Variants in PPARG observed in about 807,000 individuals in gnomAD.
PPARG encodes the protein peroxisome proliferator activated receptor gamma, also known as peroxisome proliferator-activated receptor gamma.
PPARG carries 17 observed loss-of-function variants against 39.2 expected under a neutral mutation model. The ratio of observed to expected loss-of-function variants is 0.43; its 90% CI spans 0.30 to 0.65. PPARG has a LOEUF of 0.65. Among genes scored for constraint, PPARG ranks in the 30% least tolerant of loss-of-function variants. The pLI, the probability that PPARG is intolerant of heterozygous loss-of-function variation, is 0.13. For missense variants in PPARG, 406 were observed against 585.9 expected (o/e 0.69, Z 3.17); for synonymous variants, 223 against 215.7 (o/e 1.03, Z -0.30).
chr3:12,309,495 A>G (rs2047166827), intron 1 of PPARG, among the ~76,000 whole-genome samples: 1 of 152,156 alleles, frequency 6.6e-6, no homozygotes, highest in African/African-American at 2.4e-5. Flanking sequence ...AGTGGGACTG[A>G]TATTTTTCTC....
intron 7 of PPARG, among the ~76,000 whole-genome samples, chr3:12,430,284 G>C (rs1323324123): frequency 6.6e-6 from 1 of 152,224 alleles, no homozygotes; most frequent in African/African-American, 2.4e-5. Flanking sequence ...GGCCAGAACA[G>C]CCTTCTCGCT....
chr3:12,294,491 A>G (rs2046727799), intron 1 of PPARG, among the ~76,000 whole-genome samples: 1 of 152,244 alleles, frequency 6.6e-6, no homozygotes, highest in African/African-American at 2.4e-5. Flanking sequence ...CTTTAAAAGT[A>G]GCTTCCTAAT....
At chr3:12,423,861 G>A (rs1187166999) in intron 7 of PPARG, among the ~76,000 whole-genome samples, 2 of 152,158 alleles carry the variant, frequency 1.3e-5, no homozygotes, top group African/African-American at 4.8e-5. Flanking sequence ...TTTCTCTTGA[G>A]CAGGACAACA....
intron 2 of PPARG, among the ~76,000 whole-genome samples, chr3:12,356,893 CTT>C (rs1329465247): frequency 1.3e-5 from 2 of 152,188 alleles, no homozygotes; most frequent in East Asian, 3.9e-4. Context: ...ATTCTTCCAT[CTT>C]TTCAAATCGT....
chr3:12,328,317 T>A, intron 2 of PPARG: 1 of 975,240 alleles, frequency 1.0e-6, no homozygotes, highest in Non-Finnish European at 1.6e-6. Context: ...CCCCTCTCAT[T>A]CCTGGTGGGG....
chr3:12,288,522 T>C (rs926817756), upstream of PPARG, among the ~76,000 whole-genome samples: 5 of 151,448 alleles, frequency 3.3e-5, no homozygotes, highest in African/African-American at 1.2e-4. Flanking sequence ...CGGGGGAACT[T>C]TGGAGCAGGG....
intron 4 of PPARG, among the ~76,000 whole-genome samples, chr3:12,390,050 T>A (rs975873238): frequency 9.9e-5 from 15 of 152,208 alleles, no homozygotes; most frequent in South Asian, 2.1e-4. Context: ...GCATATTTTT[T>A]AAAAAAGTCT....
At position 12,359,674 on chromosome 3, in the gene PPARG, C is replaced by CTTTTTTTTTT. The variant is rs71628752; in HGVS notation, c.-8-20021_-8-20012dup. Among the ~76,000 whole-genome samples the CTTTTTTTTTT allele has an allele frequency of 2.6e-4, 34 of 129,822 alleles. 1 individual carries two copies. The highest frequency in any genetic ancestry group is 7.2e-4 in the African/African-American group (25 of 34,636). 85.2% of individuals were successfully genotyped at this position (129,822 alleles called of 152,430 possible). A position where few individuals can be genotyped will look rare whatever the true frequency, so the allele number is the denominator to read the frequency against. ...ACTTTTCCTACTTACTCTTTTATTT[C>CTTTTTTTTTT]TTTTTTTTTTTTTTTTTTGAGACAG... is the stretch of plus-strand genomic sequence containing the variant. On this transcript the variant is annotated intron_variant, in intron 2 of 7. Coordinates refer to ENST00000651735, the MANE Select transcript of PPARG (RefSeq NM_138711.6).
chr3:12,307,817 C>T (rs2047114006), intron 1 of PPARG, among the ~76,000 whole-genome samples: 1 of 152,154 alleles, frequency 6.6e-6, no homozygotes, highest in Non-Finnish European at 1.5e-5. Flanking sequence ...AAAGGAATTT[C>T]TTTTAATTTT....
rs767903938 is a variant in PPARG at position 12,405,592 on chromosome 3, G to A, written c.530-290G>A. ...AGGAGTTGGTTCTCAATTATTTCAC[G>A]TTTAAGTCGACATACTTCCCTCCCT... On this transcript the variant is annotated intron_variant, in intron 5 of 7. Coordinates refer to ENST00000651735, the MANE Select transcript of PPARG (RefSeq NM_138711.6). 1.1e-4 allele frequency among the ~76,000 whole-genome samples: 16 copies of A among 152,282 alleles called. 1 individual carries two copies. The highest frequency in any genetic ancestry group is 8.3e-4 in the South Asian group (4 of 4,816).
chr3:12,408,083 C>T (rs1389972407), intron 6 of PPARG, among the ~76,000 whole-genome samples: 5 of 152,154 alleles, frequency 3.3e-5, no homozygotes, highest in Admixed American at 6.5e-5. Flanking sequence ...TCAGAGCATT[C>T]GTAGCATGCT....
At chr3:12,433,790 C>T (rs2051752812) in intron 7 of PPARG, 108 bp from the exon 8 acceptor site, 5 of 1,535,232 alleles carry the variant, frequency 3.3e-6, no homozygotes, top group Admixed American at 1.7e-5. Context: ...CAAAACAAAC[C>T]AAAAATACAG....
chr3:12,315,478 A>C (rs2047365078), intron 2 of PPARG, among the ~76,000 whole-genome samples: 2 of 152,324 alleles, frequency 1.3e-5, no homozygotes, highest in Admixed American at 1.3e-4. Context: ...CTATCTTTGC[A>C]ACCTTTCTGT....
intron 2 of PPARG, among the ~76,000 whole-genome samples, chr3:12,363,810 A>C (rs1248075421): frequency 1.3e-5 from 2 of 152,170 alleles, no homozygotes; most frequent in Admixed American, 6.5e-5. Flanking sequence ...CAAAACGTGG[A>C]AGGGGACCTA....
chr3:12,300,376 C>T (rs1456305316), intron 1 of PPARG, among the ~76,000 whole-genome samples: 2 of 152,228 alleles, frequency 1.3e-5, no homozygotes, highest in African/African-American at 2.4e-5. Flanking sequence ...GAACACAGCG[C>T]ATTGCCATGG....
At chr3:12,380,297 C>G (rs1381584755) in intron 3 of PPARG, among the ~76,000 whole-genome samples, 1 of 152,126 alleles carries the variant, frequency 6.6e-6, no homozygotes, top group Non-Finnish European at 1.5e-5. Flanking sequence ...GTAACAATTC[C>G]AAGTCACTTT....
intron 2 of PPARG, among the ~76,000 whole-genome samples, chr3:12,319,614 G>C (rs1380348723): frequency 6.6e-6 from 1 of 151,294 alleles, no homozygotes; most frequent in Non-Finnish European, 1.5e-5. Context: ...GAAGTATTGT[G>C]ATAATTACAT....
rs111584744 is a variant in PPARG, at chr3:12,348,086, C to G, written c.-8-31618C>G. ...TCATATTCATTCTAGAGAATAAATT[C>G]CAAATTTATAGCAAAAAAAGAGTGA... On this transcript the variant is annotated intron_variant, in intron 2 of 7. Transcript: ENST00000651735. 3.6e-3 allele frequency among the ~76,000 whole-genome samples: 553 copies of G among 152,086 alleles called. 6 individuals are homozygous for G. The highest frequency in any genetic ancestry group is 3.4e-3 in the Non-Finnish European group (228 of 67,980).
intron 5 of PPARG, among the ~76,000 whole-genome samples, chr3:12,394,965 T>C (rs1399954222): frequency 1.3e-5 from 2 of 152,168 alleles, no homozygotes; most frequent in African/African-American, 2.4e-5. Context: ...CCAAAGCAAA[T>C]GTACTCCATT....
Sources: allele counts gnomAD v4.1 joint callset (sites outside exome capture counted in the v4.1 genomes callset), GRCh38; gene constraint gnomAD v4.1.1; transcripts MANE v1.5; gene names NCBI Gene and HGNC (gene_info 2026-07-23, HGNC 2026-07-21).